The following SMYD3 variants were observed in gnomAD, a reference collection of about 807,000 sequenced individuals.
SMYD3 encodes SET and MYND domain containing 3.
A neutral mutation model predicts 57.7 loss-of-function variants in SMYD3; 36 were observed. The ratio of observed to expected loss-of-function variants is 0.62; its 90% CI spans 0.48 to 0.82. SMYD3 has a LOEUF of 0.82. Among genes scored for constraint, SMYD3 ranks in the 40% least tolerant of loss-of-function variants. The pLI is 0.00. For missense variants in SMYD3, 515 were observed against 538.8 expected, an observed-to-expected ratio of 0.96 and a Z score of 0.44; for synonymous variants, 211 against 195.0, an observed-to-expected ratio of 1.08 and a Z score of -0.68.
intron 5 of SMYD3, among the ~76,000 whole-genome samples, chr1:246,075,941 GAAA>G (rs34386298): frequency 2.2e-5 from 2 of 92,960 alleles, no homozygotes; most frequent in African/African-American, 7.2e-5. Context: ...CATATAGCAA[GAAA>G]AAAAAAAAAA....
At chr1:246,395,809 CG>C (rs2066660086) in intron 1 of SMYD3, among the ~76,000 whole-genome samples, 2 of 140,558 alleles carry the variant, frequency 1.4e-5, no homozygotes. Flanking sequence ...GAACCCACCA[CG>C]GCTGGACAGG....
At chr1:246,421,020 A>G (rs1302142037) in intron 1 of SMYD3, among the ~76,000 whole-genome samples, 1 of 152,200 alleles carries the variant, frequency 6.6e-6, no homozygotes, top group Admixed American at 6.5e-5. Context: ...TAAACTCCTC[A>G]AATAGCTATT....
At chr1:245,761,217 C>A (rs1419906722) in intron 11 of SMYD3, among the ~76,000 whole-genome samples, 1 of 152,176 alleles carries the variant, frequency 6.6e-6, no homozygotes, top group Non-Finnish European at 1.5e-5. Flanking sequence ...GAATACCTTT[C>A]ATTTGGCATC....
chr1:245,825,988 C>T (rs1301586608), intron 10 of SMYD3, among the ~76,000 whole-genome samples: 2 of 19,532 alleles, frequency 1.0e-4, no homozygotes, highest in Non-Finnish European at 6.1e-4. Flanking sequence ...TCTATCTCTG[C>T]TCCTACATCT....
At chr1:246,350,669 C>CAT (rs10622577) in intron 2 of SMYD3, among the ~76,000 whole-genome samples, 152,039 of 152,246 alleles carry the variant, frequency 1, 75,916 homozygotes, top group Non-Finnish European at 1. Flanking sequence ...CAGATTTACA[C>CAT]GTTACACCAG....
At position 246,352,994 on chromosome 1, in the gene SMYD3, A is replaced by G. The variant is rs148457016; in HGVS notation, c.228+2037T>C. Among the ~76,000 whole-genome samples the G allele has an allele frequency of 6.1e-3, 924 of 152,328 alleles. 11 individuals are homozygous for G. Among genetic ancestry groups the G allele is most frequent in the African/African-American group, 0.021 (881 of 41,572 alleles). On this transcript the variant is annotated intron_variant, in intron 2 of 11. Coordinates refer to ENST00000490107, the MANE Select transcript of SMYD3 (RefSeq NM_001167740.2). The stretch of plus-strand genomic sequence containing the variant: ...ACTCTGTTTAATCTGAAGTTCCTAG[A>G]AACAAATAGCTGAGCTTCACGTGAA...
chr1:246,230,361 A>G lies in SMYD3; in HGVS notation c.531+96840T>C, dbSNP rs143324374. ...CGCTCACCAGAAAGATTTAGTTTGC[A>G]TAAACACATTCAAGAAAATAAGCGA... On this transcript the variant is annotated intron_variant, in intron 5 of 11. Transcript: ENST00000490107. Among the ~76,000 whole-genome samples the G allele has an allele frequency of 1.7e-3, 266 of 152,366 alleles. 2 individuals are homozygous for G. The highest frequency in any genetic ancestry group is 5.8e-3 in the African/African-American group (242 of 41,592).
chr1:246,467,559 T>C (rs1426683610), intron 1 of SMYD3, among the ~76,000 whole-genome samples: 2 of 152,232 alleles, frequency 1.3e-5, no homozygotes, highest in South Asian at 4.1e-4. Flanking sequence ...TGAACAACTA[T>C]AGGTCAACCA....
At chr1:246,507,000 C>CCCCCCCCCCCACA in intron 1 of SMYD3, 54 bp downstream of exon 1, 1 of 1,139,166 alleles carries the variant, frequency 8.8e-7, no homozygotes, top group Non-Finnish European at 1.2e-6. Context: ...CCCCCCCCTC[C>CCCCCCCCCCCACA]CCAGCACCCC....
At chr1:246,480,099 C>T (rs2068082568) in intron 1 of SMYD3, among the ~76,000 whole-genome samples, 1 of 152,056 alleles carries the variant, frequency 6.6e-6, no homozygotes, top group African/African-American at 2.4e-5. Flanking sequence ...TTTATAACAG[C>T]TTCATAGAGC....
chr1:246,330,230 C>T (rs1257751889), intron 4 of SMYD3, among the ~76,000 whole-genome samples: 1 of 152,180 alleles, frequency 6.6e-6, no homozygotes, highest in Admixed American at 6.5e-5. Flanking sequence ...ATTTTGTCAA[C>T]TGGACTAATG....
intron 1 of SMYD3, among the ~76,000 whole-genome samples, chr1:246,430,548 T>C (rs1391016164): frequency 6.6e-6 from 1 of 152,142 alleles, no homozygotes; most frequent in African/African-American, 2.4e-5. Flanking sequence ...GGCAGAGAAA[T>C]GACATTATCA....
At chr1:246,299,307 G>T (rs1026099995) in intron 5 of SMYD3, among the ~76,000 whole-genome samples, 1 of 152,062 alleles carries the variant, frequency 6.6e-6, no homozygotes. Context: ...CCATCTCATA[G>T]CAGTCAGAAT....
intron 10 of SMYD3, among the ~76,000 whole-genome samples, chr1:245,811,338 T>A (rs1014294786): frequency 6.6e-6 from 1 of 152,234 alleles, no homozygotes; most frequent in Non-Finnish European, 1.5e-5. Context: ...GCAGTTCAGG[T>A]ATACAGATGT....
chr1:246,101,063 GGTTTTTTGTTTTTTTT>G (rs1226061884), intron 5 of SMYD3, among the ~76,000 whole-genome samples: 4 of 93,004 alleles, frequency 4.3e-5, no homozygotes, highest in East Asian at 4.6e-4. Context: ...TATTTTTAGG[GGTTTTTTGTTTTTTTT>G]TTTTTTTTTT....
At chr1:246,165,149 G>A (rs1209150474) in intron 5 of SMYD3, among the ~76,000 whole-genome samples, 1 of 152,228 alleles carries the variant, frequency 6.6e-6, no homozygotes, top group Non-Finnish European at 1.5e-5. Context: ...GGAGGATTGA[G>A]CAACATGGAG....
chr1:246,212,918 C>G (rs140841346), intron 5 of SMYD3, among the ~76,000 whole-genome samples: 1,718 of 152,228 alleles, frequency 0.011, 24 homozygotes, highest in Middle Eastern at 0.031. Context: ...GTAACTTGCT[C>G]TCCCTTCAGT....
At chr1:246,280,965 T>C (rs1304298481) in intron 5 of SMYD3, among the ~76,000 whole-genome samples, 1 of 152,224 alleles carries the variant, frequency 6.6e-6, no homozygotes, top group African/African-American at 2.4e-5. Flanking sequence ...AACCTAGCAA[T>C]TAAAATCACA....
At chr1:245,820,939 AG>A (rs1223613489) in intron 10 of SMYD3, among the ~76,000 whole-genome samples, 3 of 151,358 alleles carry the variant, frequency 2.0e-5, no homozygotes, top group Non-Finnish European at 4.4e-5. Flanking sequence ...ATGGGTAGGA[AG>A]AATCAATATC....
Sources: allele counts gnomAD v4.1 joint callset (sites outside exome capture counted in the v4.1 genomes callset), GRCh38; gene constraint gnomAD v4.1.1; transcripts MANE v1.5; gene names NCBI Gene and HGNC (gene_info 2026-07-23, HGNC 2026-07-21).